Variants in NF2 observed in about 807,000 individuals in gnomAD.
NF2 encodes merlin.
NF2 carries 8 observed loss-of-function variants against 83.7 expected under a neutral mutation model. The observed-to-expected ratio is 0.10, with a 90% CI of 0.06 to 0.17. The LOEUF (loss-of-function observed/expected upper bound fraction) is 0.17. NF2 is among the 10% of genes least tolerant of loss of function. NF2 has a pLI of 1.00. For missense variants in NF2, 533 were observed against 744.4 expected (o/e 0.72, Z 3.31); for synonymous variants, 266 against 269.6 (o/e 0.99, Z 0.13).
Position 29,696,156 on chromosome 22 carries a change from C to G in NF2, c.*1354C>G, listed in dbSNP as rs1343155771. The G allele has an allele frequency of 9.0e-6, 2 of 222,982 alleles. No individual in the cohort carries two copies. Among genetic ancestry groups the G allele is most frequent in the African/African-American group, 4.5e-5 (2 of 44,390 alleles). The allele number at this position is 222,982 out of a possible 1,614,324, so 13.8% of individuals were successfully genotyped here. On this transcript the variant is annotated 3_prime_UTR_variant, in exon 16 of 16. Transcript: ENST00000338641. ...TGGCACAATCTCGGCTCACTGCAAC[C>G]TCCACCTCCTGAGTTCAAGCAATTC...
In NF2 at chr22:29,603,822, A is replaced by T. The variant is rs1303551660; in HGVS notation, c.-177A>T. The T allele has an allele frequency of 8.5e-6, 5 of 584,880 alleles. No homozygotes were observed. Among genetic ancestry groups the T allele is most frequent in the Non-Finnish European group, 1.5e-5 (5 of 331,948 alleles). 36.2% of individuals were successfully genotyped at this position (584,880 alleles called of 1,614,324 possible). On this transcript the variant is annotated 5_prime_UTR_variant, in exon 1 of 16. Transcript: ENST00000338641. ...CGTCCCCCAACTCCCCTTTCCGCTC[A>T]GGCAGGGTCCTCGCGGCCCATGCTG...
chr22:29,683,572 T>C (rs553412673), intron 15 of NF2: 2 of 1,110,150 alleles, frequency 1.8e-6, no homozygotes, highest in Admixed American at 4.5e-5. Flanking sequence ...CATTTTCCTT[T>C]AGAGCTTTCC....
chr22:29,611,558 T>A (rs115577468), intron 1 of NF2, among the ~76,000 whole-genome samples: 1 of 152,138 alleles, frequency 6.6e-6, no homozygotes, highest in African/African-American at 2.4e-5. Context: ...AAAGACTGTA[T>A]GCTTATCCTT....
intron 4 of NF2, among the ~76,000 whole-genome samples, chr22:29,651,856 A>G (rs760282287): frequency 4.6e-5 from 7 of 152,224 alleles, no homozygotes; most frequent in Non-Finnish European, 7.3e-5. Context: ...TTGCTTTTGC[A>G]TTAGAGCTTG....
Position 29,636,687 on chromosome 22 carries a change from A to AG in NF2, c.115-63dup. Reference sequence around the variant, plus strand: ...TTTGGAACCTGAGAGTGGAGAGTGCAGAGAAAAGGTTTTATTAATGATTTT... The same window carrying AG: ...TTTGGAACCTGAGAGTGGAGAGTGCAGGAGAAAAGGTTTTATTAATGATTTT... On this transcript the variant is annotated intron_variant, in intron 1 of 15. Coordinates refer to ENST00000338641, the MANE Select transcript of NF2 (RefSeq NM_000268.4). This position sits in a 1 kb window ranked among gnomAD's most constrained non-coding sequence, Gnocchi z 4.4. 6.2e-7 allele frequency: 1 copy of AG among 1,610,302 alleles called. No homozygotes were observed. Among genetic ancestry groups the AG allele is most frequent in the South Asian group, 1.1e-5 (1 of 90,972 alleles).
chr22:29,689,486 G>A (rs2067350882), intron 15 of NF2, among the ~76,000 whole-genome samples: 1 of 151,942 alleles, frequency 6.6e-6, no homozygotes, highest in Admixed American at 6.6e-5. Context: ...ATGATTTTAG[G>A]GCTCACATTT....
At position 29,674,934 on chromosome 22, in the gene NF2, C is replaced by A. The variant is rs145666157; in HGVS notation, c.1439C>A (p.Thr480Lys). 1.9e-6 allele frequency: 3 copies of A among 1,565,086 alleles called. No individual in the cohort carries two copies. Among genetic ancestry groups the A allele is most frequent in the Non-Finnish European group, 2.6e-6 (3 of 1,154,164 alleles). The change falls in exon 13 of 16, where the codon ACG (threonine) becomes AAG (lysine). Residue 480 changes from threonine to lysine, a missense_variant. By Grantham distance (78) the Thr-to-Lys change is moderately conservative. Around this residue, in one of 3 missense-constraint regions of NF2, gnomAD observed 199 missense variants for 240.7 expected, o/e 0.83. Coordinates refer to ENST00000338641, the MANE Select transcript of NF2 (RefSeq NM_000268.4). ...QKLLEIATKP[T>K]YPPMNPIPAP... Reference sequence around the variant, plus strand: ...CTCCTGGAGATTGCCACCAAGCCCACGTACCCGGTGAGCCTGGGGGCCACC... The same window carrying A: ...CTCCTGGAGATTGCCACCAAGCCCAAGTACCCGGTGAGCCTGGGGGCCACC...
intron 1 of NF2, among the ~76,000 whole-genome samples, chr22:29,626,214 C>T (rs1035125804): frequency 2.8e-5 from 4 of 144,390 alleles, no homozygotes; most frequent in Admixed American, 7.3e-5. Context: ...AGTACAGTGG[C>T]GCCATCTCAG....
chr22:29,650,554 C>T (rs2066119464), intron 4 of NF2, among the ~76,000 whole-genome samples: 1 of 150,394 alleles, frequency 6.6e-6, no homozygotes, highest in South Asian at 2.1e-4. Flanking sequence ...CTCTTTCTTT[C>T]TCTCTCTCTC....
chr22:29,673,662 C>T (rs867370984), intron 12 of NF2, among the ~76,000 whole-genome samples, 176 bp downstream of exon 12: 10 of 152,120 alleles, frequency 6.6e-5, no homozygotes, highest in Admixed American at 2.6e-4. Flanking sequence ...TTGGGGCTGG[C>T]GCTACTGGTT....
chr22:29,690,912 T>C (rs1171870064), intron 15 of NF2, among the ~76,000 whole-genome samples: 1 of 152,156 alleles, frequency 6.6e-6, no homozygotes, highest in Non-Finnish European at 1.5e-5. Context: ...ACTCCCATGG[T>C]TGGACCTTGT....
chr22:29,640,794 C>T (rs550855449), intron 3 of NF2, among the ~76,000 whole-genome samples: 17 of 152,034 alleles, frequency 1.1e-4, no homozygotes, highest in Admixed American at 7.9e-4. Flanking sequence ...TGTGTGTGCA[C>T]GCGCAAAAGA....
At chr22:29,617,923 T>C (rs2065120342) in intron 1 of NF2, among the ~76,000 whole-genome samples, 1 of 152,238 alleles carries the variant, frequency 6.6e-6, no homozygotes, top group Non-Finnish European at 1.5e-5. Context: ...CATAGCTCTC[T>C]GGACCTTATT....
chr22:29,647,478 G>T (rs924504368), intron 4 of NF2, among the ~76,000 whole-genome samples: 15 of 152,180 alleles, frequency 9.9e-5, no homozygotes, highest in African/African-American at 3.6e-4. Flanking sequence ...TGTAGTGGCT[G>T]TGTGATGGAC....
intron 8 of NF2, among the ~76,000 whole-genome samples, chr22:29,664,523 G>C (rs1281169772): frequency 6.6e-6 from 1 of 152,036 alleles, no homozygotes; most frequent in Non-Finnish European, 1.5e-5. Flanking sequence ...ACTCTCTCTT[G>C]CTTATGGTGG....
chr22:29,650,250 T>C (rs1569290471), intron 4 of NF2, among the ~76,000 whole-genome samples: 1 of 152,214 alleles, frequency 6.6e-6, no homozygotes, highest in South Asian at 2.1e-4. Flanking sequence ...TAAATAGATA[T>C]AGCCAAATCA....
chr22:29,682,896 A>G, intron 15 of NF2: 2 of 1,211,744 alleles, frequency 1.7e-6, no homozygotes, highest in Admixed American at 3.5e-5. Context: ...CCAAGCCATT[A>G]AAACAAACAA....
intron 13 of NF2, among the ~76,000 whole-genome samples, chr22:29,677,288 GGTGAGAGATC>G (rs2066993340): frequency 6.6e-6 from 1 of 152,146 alleles, no homozygotes; most frequent in African/African-American, 2.4e-5. Context: ...GAAAGGCTTT[GGTGAGAGATC>G]GTGGTGTTTG....
intron 1 of NF2, among the ~76,000 whole-genome samples, chr22:29,615,854 A>T (rs549230088): frequency 1.5e-4 from 23 of 152,224 alleles, no homozygotes; most frequent in South Asian, 6.2e-4. Flanking sequence ...ACATAGCTTT[A>T]CGAGAAAAAC....
Sources: gnomAD v4.1 joint callset for allele counts (sites outside exome capture counted in the v4.1 genomes callset) on GRCh38, gnomAD v4.1.1 for gene constraint, gnomAD v4.1.1 regional missense constraint, Gnocchi (gnomAD v3.1) non-coding constraint, MANE v1.5 for transcripts, NCBI Gene and HGNC (gene_info 2026-07-23, HGNC 2026-07-21) for gene names.